Variants in CLCA4 observed in about 807,000 individuals in gnomAD.
The protein encoded by CLCA4 is calcium-activated chloride channel regulator 4.
Under a neutral mutation model 78.9 loss-of-function variants are expected in CLCA4, and 69 were observed. The ratio of observed to expected loss-of-function variants is 0.87; its 90% confidence interval spans 0.72 to 1.07. CLCA4 has a LOEUF of 1.07. CLCA4 is among the 50% of genes least tolerant of loss of function. The probability of loss-of-function intolerance (pLI) is 0.00; values close to 1 mark genes in which losing one functional copy is unlikely to be tolerated. For missense variants in CLCA4, 1,133 were observed against 1,095.8 expected (o/e 1.03, Z -0.48); for synonymous variants, 362 against 375.8 (o/e 0.96, Z 0.42).
At chr1:86,553,143 C>A in intron 1 of CLCA4, 1 of 888,134 alleles carries the variant, frequency 1.1e-6, no homozygotes, top group South Asian at 1.4e-5. Flanking sequence ...CTTGGATCTG[C>A]CGGACCACGT....
Position 86,560,340 on chromosome 1 carries a change from A to C in CLCA4, c.430A>C (p.Asn144His). The C allele has an allele frequency of 1.2e-6, 2 of 1,613,732 alleles. No homozygotes were observed. The highest frequency in any genetic ancestry group is 1.7e-6 in the Non-Finnish European group (2 of 1,179,834). ...TGACCTTCTACTTGGAAAAAAACAA[A>C]ATGAATATGGACCACCAGGTAGAAA... ...TPDLLLGKKQNEYGPPGKLFV... is the reference protein window; with the variant it reads ...TPDLLLGKKQHEYGPPGKLFV... The change falls in exon 3 of 14, where the codon AAT (asparagine) becomes CAT (histidine). Residue 144 changes from asparagine (N) to histidine (H), a missense_variant. Physicochemically the swap from Asn to His is moderately conservative, Grantham distance 68. Transcript: ENST00000370563.
intron 1 of CLCA4, among the ~76,000 whole-genome samples, chr1:86,551,127 A>G (rs12079797): frequency 0.015 from 2,266 of 152,026 alleles, 60 homozygotes; most frequent in African/African-American, 0.051. Context: ...CACCGCACCC[A>G]GCCTCTTTTT....
chr1:86,562,572 C>A lies in CLCA4; in HGVS notation c.449-1089C>A, dbSNP rs537400116. On this transcript the variant is annotated intron_variant, in intron 3 of 13. Transcript: ENST00000370563. ...GCAAAGACTTAAAAAAGAAACATGA[C>A]GGCTGGGCAAGGTGGCTGATGCCTG... Among the ~76,000 whole-genome samples the A allele has an allele frequency of 3.2e-4, 49 of 152,008 alleles. 1 individual carries two copies. The highest frequency in any genetic ancestry group is 5.7e-4 in the Non-Finnish European group (39 of 67,986).
chr1:86,556,611 A>C (rs1352308232), intron 1 of CLCA4, among the ~76,000 whole-genome samples: 1 of 152,120 alleles, frequency 6.6e-6, no homozygotes, highest in African/African-American at 2.4e-5. Flanking sequence ...GAATTTTTGC[A>C]TCAATGTTCA....
intron 9 of CLCA4, 129 bp from the exon 10 acceptor site, chr1:86,574,411 A>T: frequency 1.5e-6 from 1 of 653,544 alleles, no homozygotes; most frequent in Admixed American, 2.8e-5. Flanking sequence ...CAGCTTGCAG[A>T]GAGATCACAA....
chr1:86,559,923 T>A lies in CLCA4; in HGVS notation c.160-9T>A. The A allele has an allele frequency of 1.3e-6, 2 of 1,583,024 alleles. No individual in the cohort carries two copies. Among genetic ancestry groups the A allele is most frequent in the South Asian group, 1.2e-5 (1 of 85,188 alleles). ...CACCATCCTCACATATTTTTTCCTT[T>A]AATGACAGGATATGGTGACTACAGC... On this transcript the variant is annotated splice_polypyrimidine_tract_variant and intron_variant, in intron 1 of 13. Transcript: ENST00000370563.
rs377277768 is a variant in CLCA4 at position 86,575,333 on chromosome 1, T to G, written c.1685T>G (p.Val562Gly). The stretch of plus-strand genomic sequence containing the variant: ...CTATATTTCTGTTGAAACTTTTAGG[T>G]GGGCACTTGGGCATACAATCTTCAA... ...AYLSIPGTAK[V>G]GTWAYNLQAK... The change falls in exon 11 of 14, where the codon GTG becomes GGG. Residue 562 changes from valine to glycine, a missense_variant and splice_region_variant. By Grantham distance (109) the Val-to-Gly change is moderately radical. Transcript: ENST00000370563. 3 of 1,610,852 alleles carry G rather than the reference T, an allele frequency of 1.9e-6. No individual in the cohort carries two copies. The highest frequency in any genetic ancestry group is 1.3e-5 in the African/African-American group (1 of 74,714).
At chr1:86,563,619 T>C in intron 3 of CLCA4, 42 bp from the exon 4 acceptor site, 2 of 947,362 alleles carry the variant, frequency 2.1e-6, no homozygotes, top group South Asian at 1.7e-5. Context: ...ACAAAACGTG[T>C]CACTTGGATT....
chr1:86,547,498 A>G (rs1649537809), intron 1 of CLCA4, among the ~76,000 whole-genome samples: 1 of 152,180 alleles, frequency 6.6e-6, no homozygotes, highest in Admixed American at 6.5e-5. Flanking sequence ...AGCTACTTTG[A>G]AATACACAAC....
chr1:86,575,295 C>T, intron 10 of CLCA4, 37 bp from the exon 11 acceptor site: 1 of 1,545,076 alleles, frequency 6.5e-7, no homozygotes, highest in East Asian at 2.3e-5. Flanking sequence ...AGTAGCTTGA[C>T]TTTGGATACT....
At chr1:86,552,810 T>A in intron 1 of CLCA4, 1 of 1,012,116 alleles carries the variant, frequency 9.9e-7, no homozygotes. Flanking sequence ...AAAACAGCTC[T>A]TCCATGTAGC....
intron 3 of CLCA4, among the ~76,000 whole-genome samples, chr1:86,561,989 C>A (rs1369803642): frequency 6.6e-6 from 1 of 152,100 alleles, no homozygotes; most frequent in African/African-American, 2.4e-5. Context: ...GATAACACCA[C>A]CAACAATCAC....
chr1:86,569,450 C>T (rs780158655), intron 7 of CLCA4, among the ~76,000 whole-genome samples: 2 of 151,834 alleles, frequency 1.3e-5, no homozygotes, highest in African/African-American at 2.4e-5. Flanking sequence ...AAATATGAGG[C>T]TTGTATTTTG....
chr1:86,577,050 C>A (rs927596277), intron 11 of CLCA4, among the ~76,000 whole-genome samples: 17 of 152,054 alleles, frequency 1.1e-4, no homozygotes, highest in African/African-American at 4.1e-4. Context: ...CTGAGAAAAA[C>A]TGAGAAGGTG....
intron 1 of CLCA4, chr1:86,552,858 T>G (rs1223652517): frequency 1.2e-5 from 9 of 749,616 alleles, no homozygotes; most frequent in Non-Finnish European, 1.6e-5. Flanking sequence ...ATATATCTGA[T>G]CGAGTGATTT....
In CLCA4 at chr1:86,553,378, G is replaced by A. The variant is rs1045467439; in HGVS notation, c.159+6100G>A. On this transcript the variant is annotated intron_variant, in intron 1 of 13. Transcript: ENST00000370563. ...AGAGAACGGTTATCTGGGTCCTGCCGTCTCGTGCATCCCACACGAAGGCCA... is the reference window on the plus strand; with the variant it reads ...AGAGAACGGTTATCTGGGTCCTGCCATCTCGTGCATCCCACACGAAGGCCA... 6 of 524,786 alleles carry A rather than the reference G, an allele frequency of 1.1e-5. No individual in the cohort carries two copies. The South Asian group carries it at 1.3e-4, about 11-fold the overall frequency. 32.5% of individuals were successfully genotyped at this position (524,786 alleles called of 1,614,324 possible).
chr1:86,578,341 GGTTT>G (rs989671525), intron 12 of CLCA4, among the ~76,000 whole-genome samples: 13 of 152,062 alleles, frequency 8.5e-5, no homozygotes, highest in Admixed American at 6.6e-4. Flanking sequence ...TACATGTGCA[GGTTT>G]GTTATATAGG....
rs1650454302 is a variant in CLCA4, at chr1:86,574,627, T to C, written c.1555T>C (p.Phe519Leu). The C allele has an allele frequency of 6.2e-7, 1 of 1,613,372 alleles. No individual in the cohort carries two copies. The highest frequency in any genetic ancestry group is 8.5e-7 in the Non-Finnish European group (1 of 1,179,540). The change falls in exon 10 of 14, where the codon TTT becomes CTT. Residue 519 changes from phenylalanine (F) to leucine (L), a missense_variant. Phe to Leu is a conservative substitution (Grantham distance 22, BLOSUM62 0). Transcript: ENST00000370563. The part of the protein sequence containing the change: ...IDSTVGKDTF[F>L]LITWNSLPPS... The stretch of plus-strand genomic sequence containing the variant: ...TAGTACAGTGGGAAAGGACACGTTC[T>C]TTCTCATCACATGGAACAGTCTGCC...
At chr1:86,578,455 C>T (rs1046538123) in intron 12 of CLCA4, among the ~76,000 whole-genome samples, 6 of 152,162 alleles carry the variant, frequency 3.9e-5, no homozygotes, top group Admixed American at 3.9e-4. Context: ...TCCCTCCTCC[C>T]AAACTCCACC....
Sources: allele counts gnomAD v4.1 joint callset (sites outside exome capture counted in the v4.1 genomes callset), GRCh38; gene constraint gnomAD v4.1.1; transcripts MANE v1.5; gene names NCBI Gene and HGNC (gene_info 2026-07-23, HGNC 2026-07-21).